Variants in FBXO42 observed in about 807,000 individuals in gnomAD.
FBXO42 encodes the protein F-box only protein 42.
A neutral mutation model predicts 71.7 loss-of-function variants in FBXO42; 12 were observed. That is an observed-to-expected ratio of 0.17 (90% CI 0.11 to 0.27). The LOEUF (loss-of-function observed/expected upper bound fraction) is 0.27, where lower values mean the gene tolerates loss of function less well. Among genes scored for constraint, FBXO42 ranks in the 10% least tolerant of loss-of-function variants. The pLI is 1.00. For synonymous variants in FBXO42, 325 were observed against 327.5 expected, an observed-to-expected ratio of 0.99 and a Z score of 0.08; for missense variants, 707 against 911.9, an observed-to-expected ratio of 0.78 and a Z score of 2.89.
At chr1:16,259,671 C>T (rs1266265688) in intron 4 of FBXO42, among the ~76,000 whole-genome samples, 1 of 149,492 alleles carries the variant, frequency 6.7e-6, no homozygotes, top group Non-Finnish European at 1.5e-5. Context: ...GAGGCTGAGG[C>T]ACAAGAATTG....
intron 2 of FBXO42, among the ~76,000 whole-genome samples, chr1:16,308,000 CAA>C (rs1393984623): frequency 6.6e-6 from 1 of 152,146 alleles, no homozygotes; most frequent in African/African-American, 2.4e-5. Context: ...AGGAGGAGAA[CAA>C]AGTCAGAAGA....
Position 16,276,235 on chromosome 1 carries a change from C to T in FBXO42, c.502+18548G>A, listed in dbSNP as rs546820924. ...TTCTACTAAAAATACAAAAAATTAG[C>T]CGGGCATGGTGGCATGCACCTGTAG... On this transcript the variant is annotated intron_variant, in intron 4 of 9. Coordinates refer to ENST00000375592, the MANE Select transcript of FBXO42 (RefSeq NM_018994.3). Among the ~76,000 whole-genome samples the T allele has an allele frequency of 9.2e-5, 14 of 151,892 alleles. No homozygotes were observed. In the East Asian group the frequency reaches 2.5e-3, roughly 27 times the overall value.
chr1:16,346,393 C>T (rs2082654364), intron 1 of FBXO42, among the ~76,000 whole-genome samples: 1 of 152,028 alleles, frequency 6.6e-6, no homozygotes, highest in Non-Finnish European at 1.5e-5. Flanking sequence ...CTATTTATTA[C>T]TAGAAAATAA....
chr1:16,264,004 T>C (rs2081745693), intron 4 of FBXO42, among the ~76,000 whole-genome samples: 1 of 151,690 alleles, frequency 6.6e-6, no homozygotes, highest in Non-Finnish European at 1.5e-5. Context: ...AGAGACGAGG[T>C]TTCACCATGT....
At chr1:16,293,356 G>C (rs12117111) in intron 4 of FBXO42, 41,551 of 152,150 alleles carry the variant, frequency 0.27, 6,561 homozygotes, top group Non-Finnish European at 0.37. Context: ...CCTGACCTCA[G>C]GTGATCCGCC....
rs1312172505 is a variant in FBXO42, at chr1:16,256,778, A to G, written c.503-19T>C. 6.2e-6 allele frequency: 10 copies of G among 1,612,918 alleles called. No individual in the cohort carries two copies. The highest frequency in any genetic ancestry group is 5.9e-6 in the Non-Finnish European group (7 of 1,179,086). On this transcript the variant is annotated intron_variant, in intron 4 of 9. Transcript: ENST00000375592. The stretch of plus-strand genomic sequence containing the variant: ...TAGGACCCTAGGGAAAGTCAGTAAC[A>G]CCATGGTTAGCATTCAGGATCTCAC...
At chr1:16,351,465 G>T (rs1414381449) in intron 1 of FBXO42, among the ~76,000 whole-genome samples, 1 of 152,160 alleles carries the variant, frequency 6.6e-6, no homozygotes, top group African/African-American at 2.4e-5. Flanking sequence ...ATTAAGAAAT[G>T]AGGCTTTTAT....
chr1:16,338,164 C>G (rs781662385), intron 1 of FBXO42, among the ~76,000 whole-genome samples: 2 of 151,534 alleles, frequency 1.3e-5, no homozygotes, highest in Non-Finnish European at 2.9e-5. Flanking sequence ...GAGGCTGAGG[C>G]AGGAGAATGG....
At chr1:16,287,310 C>T (rs563404797) in intron 4 of FBXO42, among the ~76,000 whole-genome samples, 47 of 151,654 alleles carry the variant, frequency 3.1e-4, no homozygotes, top group Non-Finnish European at 5.9e-4. Flanking sequence ...TCTAATGTCG[C>T]CTTCTCTCTG....
intron 4 of FBXO42, chr1:16,292,167 A>AT: frequency 6.6e-6 from 1 of 152,364 alleles, no homozygotes; most frequent in African/African-American, 2.4e-5. Flanking sequence ...CAAATGCTCT[A>AT]TTTTTAAAAA....
intron 3 of FBXO42, among the ~76,000 whole-genome samples, chr1:16,297,330 G>A (rs1009157970): frequency 6.6e-6 from 1 of 152,048 alleles, no homozygotes; most frequent in Admixed American, 6.6e-5. Context: ...TCAGAAAACT[G>A]AGCAAGTTAA....
intron 1 of FBXO42, among the ~76,000 whole-genome samples, chr1:16,326,683 C>CAAAAA (rs397860543): frequency 1.9e-5 from 2 of 103,116 alleles, no homozygotes; most frequent in Non-Finnish European, 4.0e-5. Flanking sequence ...AACCCTGTCT[C>CAAAAA]AAAAAAAAAA....
intron 5 of FBXO42, 55 bp downstream of exon 5, chr1:16,256,551 C>T (rs2081647537): frequency 6.4e-7 from 1 of 1,565,590 alleles, no homozygotes; most frequent in African/African-American, 1.4e-5. Context: ...AACAAAGAAT[C>T]CACTGATTTA....
chr1:16,261,704 A>ATTTTTTTTT (rs34034576), intron 4 of FBXO42, among the ~76,000 whole-genome samples: 1 of 148,262 alleles, frequency 6.7e-6, no homozygotes, highest in African/African-American at 2.5e-5. Flanking sequence ...AGGTATATCA[A>ATTTTTTTTT]TTTTTTTTTT....
chr1:16,299,777 T>A (rs2082171300), intron 3 of FBXO42, among the ~76,000 whole-genome samples: 1 of 152,098 alleles, frequency 6.6e-6, no homozygotes, highest in African/African-American at 2.4e-5. Flanking sequence ...CCCGAGTAGT[T>A]TGGACCACAG....
Position 16,328,187 on chromosome 1 carries a change from C to A in FBXO42, c.-17-12752G>T, listed in dbSNP as rs529556127. Among the ~76,000 whole-genome samples, 13 of 152,098 alleles carry A rather than the reference C, an allele frequency of 8.5e-5. No individual in the cohort carries two copies. The East Asian group carries it at 1.4e-3, about 16-fold the overall frequency. On this transcript the variant is annotated intron_variant, in intron 1 of 9. Coordinates refer to ENST00000375592, the MANE Select transcript of FBXO42 (RefSeq NM_018994.3). ...AATACATGTAAATTTTTAAAAAAAA[C>A]CACTTACTCAGGAGGCTGGGGGATC...
intron 3 of FBXO42, among the ~76,000 whole-genome samples, chr1:16,301,474 G>A (rs187286385): frequency 1.3e-5 from 2 of 151,868 alleles, no homozygotes; most frequent in Non-Finnish European, 2.9e-5. Flanking sequence ...ACCAGACTGG[G>A]CAATAGGGCG....
chr1:16,261,704 AT>A (rs34034576), intron 4 of FBXO42, among the ~76,000 whole-genome samples: 52,732 of 148,130 alleles, frequency 0.36, 9,670 homozygotes, highest in African/African-American at 0.42. Flanking sequence ...AGGTATATCA[AT>A]TTTTTTTTTT....
chr1:16,294,349 G>C (rs2082108517), intron 4 of FBXO42: 1 of 159,728 alleles, frequency 6.3e-6, no homozygotes, highest in Non-Finnish European at 1.4e-5. Flanking sequence ...GTAACTAGCA[G>C]AGGCACGTCC....
Sources: gnomAD v4.1 joint callset for allele counts (sites outside exome capture counted in the v4.1 genomes callset) on GRCh38, gnomAD v4.1.1 for gene constraint, MANE v1.5 for transcripts, NCBI Gene and HGNC (gene_info 2026-07-23, HGNC 2026-07-21) for gene names.